The following SLC12A5 variants were observed in gnomAD, a reference collection of about 807,000 sequenced individuals.
The protein encoded by SLC12A5 is K-Cl cotransporter 2.
Under a neutral mutation model 124.0 loss-of-function variants are expected in SLC12A5, and 18 were observed. The ratio of observed to expected loss-of-function variants is 0.15; its 90% CI spans 0.10 to 0.22. SLC12A5 has a LOEUF of 0.22. SLC12A5 is among the 10% of genes least tolerant of loss of function. The pLI is 1.00. For synonymous variants in SLC12A5, 589 were observed against 568.0 expected (o/e 1.04, Z -0.53); for missense variants, 867 against 1,478.7 (o/e 0.59, Z 6.78).
rs1042189958 is a variant in SLC12A5 at position 46,057,660 on chromosome 20, C to G, written c.*55C>G. The stretch of plus-strand genomic sequence containing the variant: ...GCGCCCGGCCCGCGGCTCCGGAGCC[C>G]TCGCCGCGCCCCCCGCCGCTGTCAC... On this transcript the variant is annotated 3_prime_UTR_variant, in exon 26 of 26. Coordinates refer to ENST00000243964, the MANE Select transcript of SLC12A5 (RefSeq NM_020708.5). The surrounding 1 kb of genome is among the most constrained non-coding windows in gnomAD (Gnocchi z 7.1). The G allele has an allele frequency of 7.5e-6, 10 of 1,336,494 alleles. No homozygotes were observed. Among genetic ancestry groups the G allele is most frequent in the African/African-American group, 7.3e-5 (5 of 68,258 alleles). The allele number at this position is 1,336,494 out of a possible 1,614,324, so 82.8% of individuals were successfully genotyped here.
chr20:46,043,430 C>A, intron 9 of SLC12A5, 107 bp downstream of exon 9: 1 of 1,393,406 alleles, frequency 7.2e-7, no homozygotes, highest in Non-Finnish European at 9.9e-7. Context: ...ATCATGAAAG[C>A]AACCGTAACA....
chr20:46,045,769 C>T lies in SLC12A5; in HGVS notation c.1570-109C>T. The T allele has an allele frequency of 6.2e-6, 5 of 809,882 alleles. No homozygotes were observed. The highest frequency in any genetic ancestry group is 1.0e-5 in the Non-Finnish European group (5 of 494,652). 50.2% of individuals were successfully genotyped at this position (809,882 alleles called of 1,614,324 possible). On this transcript the variant is annotated intron_variant, in intron 12 of 25. Coordinates refer to ENST00000243964, the MANE Select transcript of SLC12A5 (RefSeq NM_020708.5). The surrounding 1 kb of genome is among the most constrained non-coding windows in gnomAD (Gnocchi z 4.9). ...AGAGAAATGCATCCTCTCCCTTCCT[C>T]CTCTTTGGTGATAGGATTCCTGCCT...
In SLC12A5 at chr20:46,058,750, G is replaced by A. The variant is rs971536766; in HGVS notation, c.*1145G>A. The A allele has an allele frequency of 1.8e-4, 70 of 398,676 alleles. No individual in the cohort carries two copies. Among genetic ancestry groups the A allele is most frequent in the African/African-American group, 1.3e-3 (64 of 48,652 alleles). 24.7% of individuals were successfully genotyped at this position (398,676 alleles called of 1,614,324 possible). ...CCTGGGACAAGTGAGGGAGGAGGGG[G>A]CCGATTCTGGTTTAGGGGCCGGACC... On this transcript the variant is annotated 3_prime_UTR_variant, in exon 26 of 26. Coordinates refer to ENST00000243964, the MANE Select transcript of SLC12A5 (RefSeq NM_020708.5). The surrounding 1 kb of genome is among the most constrained non-coding windows in gnomAD (Gnocchi z 5.8).
Position 46,043,286 on chromosome 20 carries a change from C to T in SLC12A5, c.1200C>T (p.Phe400=). 6.2e-7 allele frequency: 1 copy of T among 1,614,114 alleles called. No homozygotes were observed. ...PYVFSDMTSY[F]TLLVGIYFPS... ...TCTTCAGTGATATGACCTCCTACTT[C>T]ACCCTGCTGGTTGGCATCTACTTCC... Residue 400 remains phenylalanine (F), a synonymous_variant, in exon 9 of 26, where the codon TTC becomes TTT. Coordinates refer to ENST00000243964, the MANE Select transcript of SLC12A5 (RefSeq NM_020708.5).
intron 6 of SLC12A5, among the ~76,000 whole-genome samples, chr20:46,038,748 T>TA (rs1307432420): frequency 6.6e-6 from 1 of 152,224 alleles, no homozygotes; most frequent in African/African-American, 2.4e-5. Context: ...CCATTCTCTC[T>TA]AAAAAATCAA....
chr20:46,049,519 T>C (rs1399886068), intron 16 of SLC12A5, 103 bp from the exon 17 acceptor site: 5 of 1,412,474 alleles, frequency 3.5e-6, no homozygotes, highest in Non-Finnish European at 4.8e-6. Context: ...ATGGGACAGA[T>C]GGTTATAGAG....
chr20:46,032,024 C>T (rs991264874), intron 1 of SLC12A5, among the ~76,000 whole-genome samples: 1 of 152,256 alleles, frequency 6.6e-6, no homozygotes, highest in African/African-American at 2.4e-5. Flanking sequence ...CCTGGCGTCC[C>T]GCCCAGGCAG....
chr20:46,023,349 C>T (rs1356003793), intron 2 of SLC12A5: 3 of 398,508 alleles, frequency 7.5e-6, no homozygotes, highest in Non-Finnish European at 8.8e-6. Flanking sequence ...CATTCTCAAC[C>T]CTTCCTTTTT....
chr20:46,048,026 T>C lies in SLC12A5; in HGVS notation c.1953T>C (p.Ser651=). The C allele has an allele frequency of 6.2e-7, 1 of 1,612,928 alleles. No individual in the cohort carries two copies. Among genetic ancestry groups the C allele is most frequent in the Non-Finnish European group, 8.5e-7 (1 of 1,179,560 alleles). The part of the protein sequence containing the change: ...WGDGIRGLSL[S]AARYALLRLE... ...ATGGGATACGAGGTCTGTCTCTCAGTGCGGCTCGCTATGCCCTCTTACGCC... is the reference window on the plus strand; with the variant it reads ...ATGGGATACGAGGTCTGTCTCTCAGCGCGGCTCGCTATGCCCTCTTACGCC... The change falls in exon 16 of 26, where the codon AGT becomes AGC. Residue 651 remains serine, a synonymous_variant. Transcript: ENST00000243964.
chr20:46,058,385 C>T lies in SLC12A5; in HGVS notation c.*780C>T, dbSNP rs1040242906. On this transcript the variant is annotated 3_prime_UTR_variant, in exon 26 of 26. Coordinates refer to ENST00000243964, the MANE Select transcript of SLC12A5 (RefSeq NM_020708.5). This position sits in a 1 kb window ranked among gnomAD's most constrained non-coding sequence, Gnocchi z 5.8. Reference sequence around the variant, plus strand: ...TTCCGCGCGCCCTTGGCTTCCCACCCTCCTCTCCAGTCCTTTTCCGAGATG... The same window carrying T: ...TTCCGCGCGCCCTTGGCTTCCCACCTTCCTCTCCAGTCCTTTTCCGAGATG... 1.0e-5 allele frequency: 4 copies of T among 398,408 alleles called. No individual in the cohort carries two copies. Among genetic ancestry groups the T allele is most frequent in the African/African-American group, 8.2e-5 (4 of 48,644 alleles). 24.7% of individuals were successfully genotyped at this position (398,408 alleles called of 1,614,324 possible).
At chr20:46,038,518 G>A (rs1422003290) in intron 6 of SLC12A5, among the ~76,000 whole-genome samples, 1 of 152,218 alleles carries the variant, frequency 6.6e-6, no homozygotes, top group Non-Finnish European at 1.5e-5. Flanking sequence ...GATGAGGAAA[G>A]CAAGGCTCAG....
At chr20:46,032,691 A>G (rs1221190659) in intron 1 of SLC12A5, among the ~76,000 whole-genome samples, 1 of 152,206 alleles carries the variant, frequency 6.6e-6, no homozygotes, top group Non-Finnish European at 1.5e-5. Flanking sequence ...CTGGGACTGG[A>G]ATGTCAGTTT....
Position 46,056,711 on chromosome 20 carries a change from T to A in SLC12A5, c.3110+147T>A. The stretch of plus-strand genomic sequence containing the variant: ...GTCTTGGTTTCTCCATCTGAGGACT[T>A]AGGGGGTTGGGCCCCATTGCTAAGT... On this transcript the variant is annotated intron_variant, in intron 23 of 25. Transcript: ENST00000243964. This position sits in a 1 kb window ranked among gnomAD's most constrained non-coding sequence, Gnocchi z 4.3. 8.8e-7 allele frequency: 1 copy of A among 1,137,102 alleles called. No homozygotes were observed. Among genetic ancestry groups the A allele is most frequent in the Non-Finnish European group, 1.3e-6 (1 of 790,894 alleles). The allele number at this position is 1,137,102 out of a possible 1,614,324, so 70.4% of individuals were successfully genotyped here.
In SLC12A5 at chr20:46,058,563, C is replaced by T; in HGVS notation, c.*958C>T. ...GGGGTGCTCCTCAAGAGGAAGAAACCGAGAGGCCCGCGCCCCACCGAGGAA... is the reference window on the plus strand; with the variant it reads ...GGGGTGCTCCTCAAGAGGAAGAAACTGAGAGGCCCGCGCCCCACCGAGGAA... On this transcript the variant is annotated 3_prime_UTR_variant, in exon 26 of 26. Coordinates refer to ENST00000243964, the MANE Select transcript of SLC12A5 (RefSeq NM_020708.5). The surrounding 1 kb of genome is among the most constrained non-coding windows in gnomAD (Gnocchi z 5.8). 2.5e-6 allele frequency: 1 copy of T among 399,110 alleles called. No homozygotes were observed. The highest frequency in any genetic ancestry group is 4.4e-6 in the Non-Finnish European group (1 of 226,188). The allele number at this position is 399,110 out of a possible 1,614,324, so 24.7% of individuals were successfully genotyped here. A position where few individuals can be genotyped will look rare whatever the true frequency, so the allele number is the denominator to read the frequency against.
chr20:46,024,712 A>G (rs953441926), upstream of SLC12A5, among the ~76,000 whole-genome samples: 1 of 152,256 alleles, frequency 6.6e-6, no homozygotes, highest in African/African-American at 2.4e-5. Context: ...AGGGAGTTAA[A>G]GAAGCAAGGC....
intron 5 of SLC12A5, 56 bp from the exon 6 acceptor site, chr20:46,037,199 C>A: frequency 6.5e-7 from 1 of 1,546,556 alleles, no homozygotes; most frequent in Non-Finnish European, 8.7e-7. Context: ...ACCCCTCACC[C>A]CTTACGGCAG....
intron 1 of SLC12A5, among the ~76,000 whole-genome samples, chr20:46,032,303 G>A (rs552194989): frequency 7.8e-4 from 119 of 152,352 alleles, no homozygotes; most frequent in Non-Finnish European, 1.5e-3. Flanking sequence ...CCGCGAAGGA[G>A]GAGGCGCTTG....
chr20:46,049,645 G>C lies in SLC12A5; in HGVS notation c.2036G>C (p.Arg679Pro). 6.2e-7 allele frequency: 1 copy of C among 1,605,558 alleles called. No individual in the cohort carries two copies. Among genetic ancestry groups the C allele is most frequent in the Non-Finnish European group, 8.5e-7 (1 of 1,176,238 alleles). ...AGGCCACAGCTGCTGGTGCTGGTGC[G>C]TGTGGACCAAGACCAGAATGTGGTG... ...NWRPQLLVLVRVDQDQNVVHP... is the reference protein window; with the variant it reads ...NWRPQLLVLVPVDQDQNVVHP... Residue 679 changes from arginine to proline, a missense_variant, in exon 17 of 26, where the codon CGT (arginine) becomes CCT (proline). Physicochemically the swap from Arg to Pro is moderately radical, Grantham distance 103. Around this residue, in one of 9 missense-constraint regions of SLC12A5, gnomAD observed 38 missense variants for 36.2 expected, o/e 1.05. Transcript: ENST00000243964.
At chr20:46,033,305 G>A (rs117213236) in intron 1 of SLC12A5, among the ~76,000 whole-genome samples, 4,486 of 152,258 alleles carry the variant, frequency 0.029, 176 homozygotes, top group Admixed American at 0.12. Flanking sequence ...ATTTCACTTG[G>A]AATTTGATCA....
Sources: gnomAD v4.1 joint callset for allele counts (sites outside exome capture counted in the v4.1 genomes callset) on GRCh38, gnomAD v4.1.1 for gene constraint, gnomAD v4.1.1 regional missense constraint, Gnocchi (gnomAD v3.1) non-coding constraint, MANE v1.5 for transcripts, NCBI Gene and HGNC (gene_info 2026-07-23, HGNC 2026-07-21) for gene names.